Variants in KASH5 observed in about 807,000 individuals in gnomAD.
KASH5 encodes protein KASH5.
In KASH5, 72 loss-of-function variants were observed where a neutral mutation model predicts 84.2. That is an observed-to-expected ratio of 0.85 (90% CI 0.71 to 1.04). KASH5 has a LOEUF of 1.04. KASH5 is among the 50% of genes least tolerant of loss of function. KASH5 has a pLI of 0.00. For missense variants in KASH5, 650 were observed against 701.0 expected, an observed-to-expected ratio of 0.93 and a Z score of 0.82; for synonymous variants, 260 against 279.1, an observed-to-expected ratio of 0.93 and a Z score of 0.68.
chr19:49,414,986 G>A lies in KASH5; in HGVS notation c.1364G>A (p.Ser455Asn), dbSNP rs372231794. 6.2e-7 allele frequency: 1 copy of A among 1,612,854 alleles called. No individual in the cohort carries two copies. The highest frequency in any genetic ancestry group is 8.5e-7 in the Non-Finnish European group (1 of 1,179,522). Residue 455 changes from serine to asparagine, a missense_variant, in exon 17 of 20, where the codon AGC becomes AAC. Physicochemically the swap from Ser to Asn is conservative, Grantham distance 46. Coordinates refer to ENST00000447857, the MANE Select transcript of KASH5 (RefSeq NM_144688.5). The surrounding 1 kb of genome is among the most constrained non-coding windows in gnomAD (Gnocchi z 4.5). The part of the protein sequence containing the change: ...TRREEEEDAE[S>N]QVTADLPVPL... The stretch of plus-strand genomic sequence containing the variant: ...AGAGAGGAAGAGGAGGATGCAGAGA[G>A]CCAGGTCACGGTAGGCAGTCCCCAG...
At position 49,395,214 on chromosome 19, in the gene KASH5, A is replaced by G; in HGVS notation, c.257A>G (p.Glu86Gly). 1 of 1,611,700 alleles carries G rather than the reference A, an allele frequency of 6.2e-7. No individual in the cohort carries two copies. The highest frequency in any genetic ancestry group is 8.5e-7 in the Non-Finnish European group (1 of 1,179,172). The part of the protein sequence containing the change: ...TLANSLDPNG[E>G]GPKATVDLDT... ...GCCAACAGCCTGGACCCCAATGGGG[A>G]GGGCCCTAAGGCCACTGTGGACTTG... Residue 86 changes from glutamate (E) to glycine (G), a missense_variant, in exon 4 of 20, where the codon GAG (glutamate) becomes GGG (glycine). By Grantham distance (98) the Glu-to-Gly change is moderately conservative. Transcript: ENST00000447857. The surrounding 1 kb of genome is among the most constrained non-coding windows in gnomAD (Gnocchi z 4.4).
rs1334366424 is a variant in KASH5, at chr19:49,407,317, AAG to A, written c.933+25_933+26del. ...CTGAGGTAAGGGGCCCCGGGAGGGA[AAG>A]AGATTCGCTTTCCATGTGCACCAGC... On this transcript the variant is annotated intron_variant, in intron 11 of 19. Transcript: ENST00000447857. 4.3e-6 allele frequency: 7 copies of A among 1,612,870 alleles called. No homozygotes were observed. In the Admixed American group the frequency reaches 1.2e-4, roughly 27 times the overall value.
In KASH5 at chr19:49,395,411, G is replaced by C; in HGVS notation, c.335+119G>C. The C allele has an allele frequency of 1.8e-6, 2 of 1,108,322 alleles. No homozygotes were observed. Among genetic ancestry groups the C allele is most frequent in the Non-Finnish European group, 2.6e-6 (2 of 763,532 alleles). 68.7% of individuals were successfully genotyped at this position (1,108,322 alleles called of 1,614,324 possible). A position where few individuals can be genotyped will look rare whatever the true frequency, so the allele number is the denominator to read the frequency against. ...GACCTACTGTGTTTGGAATGAGGCT[G>C]TGGAGAGAAAAATGAAGAGACGGGA... is the stretch of plus-strand genomic sequence containing the variant. On this transcript the variant is annotated intron_variant, in intron 4 of 19. Coordinates refer to ENST00000447857, the MANE Select transcript of KASH5 (RefSeq NM_144688.5). The surrounding 1 kb of genome is among the most constrained non-coding windows in gnomAD (Gnocchi z 4.4).
rs1490734950 is a variant in KASH5 at position 49,412,981 on chromosome 19, G to A, written c.1283G>A (p.Gly428Glu). 6.2e-7 allele frequency: 1 copy of A among 1,613,770 alleles called. No individual in the cohort carries two copies. The highest frequency in any genetic ancestry group is 1.1e-5 in the South Asian group (1 of 91,080). The change falls in exon 16 of 20, where the codon GGA becomes GAA. Residue 428 changes from glycine (G) to glutamate (E), a missense_variant. Gly to Glu is a moderately conservative substitution (Grantham distance 98, BLOSUM62 -2). Transcript: ENST00000447857. This position sits in a 1 kb window ranked among gnomAD's most constrained non-coding sequence, Gnocchi z 4.6. Reference sequence around the variant, plus strand: ...TTGTTTCCACAGAGAAACTTCCAGGGAGAGCCAGCGCACCCTGAAGAAGGA... The same window carrying A: ...TTGTTTCCACAGAGAAACTTCCAGGAAGAGCCAGCGCACCCTGAAGAAGGA... ...APAGGQRNFQ[G>E]EPAHPEEGRK...
chr19:49,398,461 T>C (rs1974257804), intron 7 of KASH5, among the ~76,000 whole-genome samples: 3 of 151,722 alleles, frequency 2.0e-5, no homozygotes, highest in African/African-American at 7.3e-5. Flanking sequence ...CCTCCGCCTC[T>C]GGGCTCTAGC....
intron 12 of KASH5, among the ~76,000 whole-genome samples, 152 bp downstream of exon 12, chr19:49,407,823 C>A (rs1055711556): frequency 3.5e-4 from 53 of 152,204 alleles, no homozygotes; most frequent in African/African-American, 1.3e-3. Flanking sequence ...CTGCATGTCT[C>A]CCCCTCTGTT....
chr19:49,403,383 AAAG>A lies in KASH5; in HGVS notation c.799-3502_799-3500del, dbSNP rs1974426500. Among the ~76,000 whole-genome samples the A allele has an allele frequency of 7.3e-5, 7 of 95,644 alleles. No individual in the cohort carries two copies. In the East Asian group the frequency reaches 1.2e-3, roughly 16 times the overall value. The allele number at this position is 95,644 out of a possible 152,430, so 62.7% of individuals were successfully genotyped here. A position where few individuals can be genotyped will look rare whatever the true frequency, so the allele number is the denominator to read the frequency against. Reference sequence around the variant, plus strand: ...CAAGACTCTGTCTCAAAATAAAAAAAAAGGGGGGGGGCAGCCAGGAAATGCCCC... The same window carrying A: ...CAAGACTCTGTCTCAAAATAAAAAAAGGGGGGGGCAGCCAGGAAATGCCCC... On this transcript the variant is annotated intron_variant, in intron 9 of 19. Coordinates refer to ENST00000447857, the MANE Select transcript of KASH5 (RefSeq NM_144688.5).
At chr19:49,392,147 C>T (rs1974023115) in intron 2 of KASH5, among the ~76,000 whole-genome samples, 1 of 151,724 alleles carries the variant, frequency 6.6e-6, no homozygotes, top group African/African-American at 2.4e-5. Flanking sequence ...TAGGAACACA[C>T]CCAGAAGGAG....
chr19:49,409,841 C>CT lies in KASH5; in HGVS notation c.1236dup (p.Glu413Ter), dbSNP rs768348362. ...GTCATCCATGAGACCAGTGAGGAAA[C>CT]TGAGTTTCCATCTGAAGCCCCAGCT... On this transcript the variant is annotated frameshift_variant, in exon 15 of 20. Coordinates refer to ENST00000447857, the MANE Select transcript of KASH5 (RefSeq NM_144688.5). LOFTEE classifies it high-confidence loss of function. The CT allele has an allele frequency of 1.2e-6, 2 of 1,613,954 alleles. No individual in the cohort carries two copies. The highest frequency in any genetic ancestry group is 1.7e-6 in the Non-Finnish European group (2 of 1,179,838).
Position 49,395,081 on chromosome 19 carries a change from C to G in KASH5, c.149-25C>G, listed in dbSNP as rs375698395. 8 of 1,577,326 alleles carry G rather than the reference C, an allele frequency of 5.1e-6. No homozygotes were observed. In the African/African-American group the frequency reaches 1.1e-4, roughly 21 times the overall value. ...CCATCACTCCCCACCTGCCCCAGAC[C>G]CCCTCACTGCATGCTCTGTCACAGG... On this transcript the variant is annotated intron_variant, in intron 3 of 19. Transcript: ENST00000447857. The surrounding 1 kb of genome is among the most constrained non-coding windows in gnomAD (Gnocchi z 4.4).
At chr19:49,405,320 G>A (rs1281540646) in intron 9 of KASH5, among the ~76,000 whole-genome samples, 2 of 151,960 alleles carry the variant, frequency 1.3e-5, no homozygotes, top group Admixed American at 1.3e-4. Context: ...AGCCAGGTGT[G>A]ATGGCGTGTG....
intron 16 of KASH5, among the ~76,000 whole-genome samples, chr19:49,413,282 G>A (rs557535529): frequency 6.6e-6 from 1 of 151,630 alleles, no homozygotes; most frequent in East Asian, 1.9e-4. Flanking sequence ...AATGGGGTGA[G>A]GGGGGGCCTC....
chr19:49,395,366 C>T lies in KASH5; in HGVS notation c.335+74C>T. 1.3e-6 allele frequency: 2 copies of T among 1,505,922 alleles called. No homozygotes were observed. The highest frequency in any genetic ancestry group is 1.8e-6 in the Non-Finnish European group (2 of 1,104,202). The allele number at this position is 1,505,922 out of a possible 1,614,324, so 93.3% of individuals were successfully genotyped here. A position where few individuals can be genotyped will look rare whatever the true frequency, so the allele number is the denominator to read the frequency against. ...TAACCTCATACCTGCTTACTGGAGCCAGCATCCTTTAGGCCCAAGGACCTA... is the reference window on the plus strand; with the variant it reads ...TAACCTCATACCTGCTTACTGGAGCTAGCATCCTTTAGGCCCAAGGACCTA... On this transcript the variant is annotated intron_variant, in intron 4 of 19. Coordinates refer to ENST00000447857, the MANE Select transcript of KASH5 (RefSeq NM_144688.5). The surrounding 1 kb of genome is among the most constrained non-coding windows in gnomAD (Gnocchi z 4.4).
chr19:49,412,857 A>G lies in KASH5; in HGVS notation c.1270-111A>G. On this transcript the variant is annotated intron_variant, in intron 15 of 19. Coordinates refer to ENST00000447857, the MANE Select transcript of KASH5 (RefSeq NM_144688.5). This position sits in a 1 kb window ranked among gnomAD's most constrained non-coding sequence, Gnocchi z 4.6. ...ATTCATGTGTAGGTTGCAGCCTGGA[A>G]GACCTTTTGTATATGGGGTCTGGGA... 9.9e-7 allele frequency: 1 copy of G among 1,013,540 alleles called. No homozygotes were observed. Among genetic ancestry groups the G allele is most frequent in the Non-Finnish European group, 1.5e-6 (1 of 665,028 alleles). The allele number at this position is 1,013,540 out of a possible 1,614,324, so 62.8% of individuals were successfully genotyped here.
At position 49,398,059 on chromosome 19, in the gene KASH5, A is replaced by G; in HGVS notation, c.545A>G (p.Lys182Arg). ...CGACGTCTGGTTGGGGAGAATGCCA[A>G]ATTGCAGCGGAGCATGGAGACAGCT... is the stretch of plus-strand genomic sequence containing the variant. ...SNRRLVGENA[K>R]LQRSMETAEE... is the part of the protein sequence containing the mutation. The change falls in exon 7 of 20, where the codon AAA (lysine) becomes AGA (arginine). Residue 182 changes from lysine to arginine, a missense_variant. Transcript: ENST00000447857. 6.2e-7 allele frequency: 1 copy of G among 1,613,754 alleles called. No homozygotes were observed. Among genetic ancestry groups the G allele is most frequent in the South Asian group, 1.1e-5 (1 of 91,070 alleles).
chr19:49,397,725 T>C lies in KASH5; in HGVS notation c.467+8T>C. On this transcript the variant is annotated splice_region_variant and intron_variant, in intron 6 of 19. Transcript: ENST00000447857. ...AGACCCCAGACCCGAGCTGTACCTATCCTCACACCCCTCCCTGACCCTCCT... is the reference window on the plus strand; with the variant it reads ...AGACCCCAGACCCGAGCTGTACCTACCCTCACACCCCTCCCTGACCCTCCT... The C allele has an allele frequency of 6.2e-7, 1 of 1,613,196 alleles. No individual in the cohort carries two copies. The highest frequency in any genetic ancestry group is 8.5e-7 in the Non-Finnish European group (1 of 1,179,600).
rs1974897049 is a variant in KASH5 at position 49,416,173 on chromosome 19, T to C, written c.1375-842T>C. On this transcript the variant is annotated intron_variant, in intron 17 of 19. Coordinates refer to ENST00000447857, the MANE Select transcript of KASH5 (RefSeq NM_144688.5). This position sits in a 1 kb window ranked among gnomAD's most constrained non-coding sequence, Gnocchi z 5.4. ...GAAAAATAAATTTGTAATTATACCA[T>C]TTATAATGGCATGGTGTTTTGTTTT... 6.6e-6 allele frequency among the ~76,000 whole-genome samples: 1 copy of C among 152,214 alleles called. No individual in the cohort carries two copies. Among genetic ancestry groups the C allele is most frequent in the Non-Finnish European group, 1.5e-5 (1 of 68,036 alleles).
Position 49,406,897 on chromosome 19 carries a change from G to C in KASH5, c.810G>C (p.Leu270=), listed in dbSNP as rs747407268. 5 of 1,606,140 alleles carry C rather than the reference G, an allele frequency of 3.1e-6. No homozygotes were observed. Among genetic ancestry groups the C allele is most frequent in the African/African-American group, 1.3e-5 (1 of 74,884 alleles). ...ATTCCTTCTTCTAGAACGGGAAGCT[G>C]CTTGCCGAGCGGGATGGAGTGAAAA... The part of the protein sequence containing the change: ...METLQEENGK[L]LAERDGVKKR... The change falls in exon 10 of 20, where the codon CTG becomes CTC. Residue 270 remains leucine, a synonymous_variant. Coordinates refer to ENST00000447857, the MANE Select transcript of KASH5 (RefSeq NM_144688.5).
chr19:49,396,664 G>A (rs78821957), intron 5 of KASH5, among the ~76,000 whole-genome samples: 5,232 of 152,232 alleles, frequency 0.034, 282 homozygotes, highest in African/African-American at 0.12. Context: ...ACATCCACCT[G>A]CAGAGGAAAT....
Sources: allele counts gnomAD v4.1 joint callset (sites outside exome capture counted in the v4.1 genomes callset), GRCh38; gene constraint gnomAD v4.1.1; non-coding constraint Gnocchi (gnomAD v3.1); transcripts MANE v1.5; gene names NCBI Gene and HGNC (gene_info 2026-07-23, HGNC 2026-07-21).